GINS1: variants seen among roughly 807,000 people sequenced by gnomAD.
GINS1 encodes the protein GINS complex subunit 1, also known as DNA replication complex GINS protein PSF1.
Under a neutral mutation model 34.9 loss-of-function variants are expected in GINS1, and 26 were observed. The ratio of observed to expected loss-of-function variants is 0.74; its 90% CI spans 0.55 to 1.03. The LOEUF (loss-of-function observed/expected upper bound fraction) is 1.03. GINS1 is among the 50% of genes least tolerant of loss of function. The probability of loss-of-function intolerance (pLI) is 0.00; values close to 1 mark genes in which losing one functional copy is unlikely to be tolerated. For synonymous variants in GINS1, 97 were observed against 84.4 expected (o/e 1.15, Z -0.82); for missense variants, 235 against 237.9 (o/e 0.99, Z 0.08).
chr20:25,428,224 T>C (rs1047630465), intron 5 of GINS1, among the ~76,000 whole-genome samples: 3 of 152,046 alleles, frequency 2.0e-5, no homozygotes, highest in African/African-American at 7.2e-5. Context: ...CCAGAAATCA[T>C]TGCTAAATAC....
chr20:25,419,765 C>T (rs1192842579), intron 4 of GINS1: 2 of 229,528 alleles, frequency 8.7e-6, no homozygotes, highest in South Asian at 8.2e-5. Flanking sequence ...TGGCTTCAAG[C>T]AATTCTCCTG....
chr20:25,407,989 T>C, intron 1 of GINS1, 94 bp downstream of exon 1: 1 of 884,426 alleles, frequency 1.1e-6, no homozygotes, highest in Non-Finnish European at 1.8e-6. Context: ...TTTCGCACCT[T>C]GTTCCCTCCG....
chr20:25,441,309 C>T (rs1461928870), intron 5 of GINS1, among the ~76,000 whole-genome samples: 1 of 152,178 alleles, frequency 6.6e-6, no homozygotes, highest in Non-Finnish European at 1.5e-5. Context: ...GCAGACTTAC[C>T]TGTGTCCCAT....
intron 5 of GINS1, among the ~76,000 whole-genome samples, chr20:25,430,949 G>A (rs552758363): frequency 2.0e-5 from 3 of 152,332 alleles, no homozygotes; most frequent in Non-Finnish European, 4.4e-5. Context: ...TTAGGGAGGT[G>A]TTCCCTCCTT....
intron 1 of GINS1, among the ~76,000 whole-genome samples, chr20:25,408,567 C>T (rs910031328): frequency 2.6e-5 from 4 of 152,056 alleles, no homozygotes; most frequent in Non-Finnish European, 5.9e-5. Context: ...TTTCTAATAA[C>T]CCTTTGAGGG....
At chr20:25,424,745 C>T (rs1414354514) in intron 4 of GINS1, among the ~76,000 whole-genome samples, 1 of 152,150 alleles carries the variant, frequency 6.6e-6, no homozygotes, top group Non-Finnish European at 1.5e-5. Flanking sequence ...TTCTGTCTTT[C>T]ATGTGGTAAT....
intron 5 of GINS1, among the ~76,000 whole-genome samples, chr20:25,427,548 C>T (rs1028118673): frequency 6.6e-6 from 1 of 152,130 alleles, no homozygotes; most frequent in Non-Finnish European, 1.5e-5. Context: ...TTTTATTTCC[C>T]TAATGATTAG....
chr20:25,415,572 C>G (rs2090315368), intron 2 of GINS1, among the ~76,000 whole-genome samples: 1 of 151,820 alleles, frequency 6.6e-6, no homozygotes, highest in Non-Finnish European at 1.5e-5. Flanking sequence ...GTAATCCCAG[C>G]TACTCCGGAG....
chr20:25,414,953 T>C (rs1330698383), intron 2 of GINS1, among the ~76,000 whole-genome samples: 4 of 152,172 alleles, frequency 2.6e-5, no homozygotes, highest in African/African-American at 9.7e-5. Flanking sequence ...CTGAGCATGG[T>C]AGCTGGCACA....
chr20:25,435,615 G>A (rs538222252), intron 5 of GINS1, among the ~76,000 whole-genome samples: 39 of 151,644 alleles, frequency 2.6e-4, no homozygotes, highest in Admixed American at 1.7e-3. Flanking sequence ...AAAATTAGCC[G>A]GGTGTGGTGG....
intron 1 of GINS1, among the ~76,000 whole-genome samples, chr20:25,411,764 G>A (rs1173138159): frequency 6.6e-6 from 1 of 152,090 alleles, no homozygotes; most frequent in African/African-American, 2.4e-5. Flanking sequence ...TGAACATGGT[G>A]AAACCCTGTC....
Position 25,448,328 on chromosome 20 carries a change from AATC to A in GINS1, c.*2338_*2340del, listed in dbSNP as rs1159176070. 9.2e-5 allele frequency: 14 copies of A among 152,198 alleles called. No homozygotes were observed. The highest frequency in any genetic ancestry group is 4.6e-4 in the Admixed American group (7 of 15,288). 9.4% of individuals were successfully genotyped at this position (152,198 alleles called of 1,614,324 possible). On this transcript the variant is annotated 3_prime_UTR_variant, in exon 7 of 7. Coordinates refer to ENST00000262460, the MANE Select transcript of GINS1 (RefSeq NM_021067.5). ...TGTTTTGTCTTCTATTTCTCTTAAT[AATC>A]TTTTGTAGTTTTCAGTGTACAGGTC...
intron 5 of GINS1, among the ~76,000 whole-genome samples, chr20:25,438,247 G>C (rs1415978410): frequency 6.6e-6 from 1 of 151,782 alleles, no homozygotes; most frequent in East Asian, 1.9e-4. Context: ...AAGTAAACCA[G>C]GACTCCTTGC....
intron 5 of GINS1, among the ~76,000 whole-genome samples, chr20:25,430,657 A>C (rs1334104460): frequency 6.6e-6 from 1 of 152,162 alleles, no homozygotes; most frequent in Non-Finnish European, 1.5e-5. Context: ...CAGCCTCCCA[A>C]GTAGCTGCGA....
At chr20:25,438,119 CAAA>C (rs34107871) in intron 5 of GINS1, among the ~76,000 whole-genome samples, 12 of 98,282 alleles carry the variant, frequency 1.2e-4, no homozygotes, top group Non-Finnish European at 1.6e-4. Context: ...AACTCCGTCT[CAAA>C]AAAAAAAAAA....
At chr20:25,420,356 G>A (rs1427691465) in intron 4 of GINS1, among the ~76,000 whole-genome samples, 1 of 150,740 alleles carries the variant, frequency 6.6e-6, no homozygotes, top group Admixed American at 6.6e-5. Context: ...CTGGTCCTGA[G>A]CTCCTGACCT....
intron 2 of GINS1, 112 bp downstream of exon 2, chr20:25,413,966 C>T (rs556742136): frequency 1.7e-5 from 11 of 643,442 alleles, no homozygotes; most frequent in Non-Finnish European, 2.6e-5. Flanking sequence ...CTGAGGCGGG[C>T]GGATTACGAG....
rs569634923 is a variant in GINS1, at chr20:25,431,281, T to C, written c.447+5954T>C. 3.8e-4 allele frequency among the ~76,000 whole-genome samples: 58 copies of C among 152,274 alleles called. No homozygotes were observed. The South Asian group carries it at 0.011, about 30-fold the overall frequency. ...TCACTTTCATTTTTGATTTTAGTAA[T>C]TTGAGCCTTCTTTTATTCTTAGTCT... On this transcript the variant is annotated intron_variant, in intron 5 of 6. Transcript: ENST00000262460.
At chr20:25,421,171 A>C (rs2090353134) in intron 4 of GINS1, among the ~76,000 whole-genome samples, 1 of 152,236 alleles carries the variant, frequency 6.6e-6, no homozygotes, top group South Asian at 2.1e-4. Flanking sequence ...TCAAAGCTTC[A>C]GTCCTTCATG....
Sources: allele counts gnomAD v4.1 joint callset (sites outside exome capture counted in the v4.1 genomes callset), GRCh38; gene constraint gnomAD v4.1.1; transcripts MANE v1.5; gene names NCBI Gene and HGNC (gene_info 2026-07-23, HGNC 2026-07-21).